DEF6: variants seen among roughly 807,000 people sequenced by gnomAD.
DEF6 encodes differentially expressed in FDCP 6 homolog.
A neutral mutation model predicts 80.5 loss-of-function variants in DEF6; 32 were observed. The ratio of observed to expected loss-of-function variants is 0.40; its 90% CI spans 0.30 to 0.53. The LOEUF is 0.53. Among genes scored for constraint, DEF6 ranks in the 20% least tolerant of loss-of-function variants. DEF6 has a pLI of 0.57. For missense variants in DEF6, 575 were observed against 818.7 expected (o/e 0.70, Z 3.63); for synonymous variants, 300 against 337.9 (o/e 0.89, Z 1.23).
chr6:35,310,191 TG>T (rs1791445155), intron 2 of DEF6, among the ~76,000 whole-genome samples: 1 of 152,178 alleles, frequency 6.6e-6, no homozygotes, highest in African/African-American at 2.4e-5. Context: ...AGCTTCCTGC[TG>T]GGTTTCTCCT....
intron 1 of DEF6, among the ~76,000 whole-genome samples, chr6:35,304,930 A>G (rs1407568562): frequency 2.0e-5 from 3 of 151,214 alleles, no homozygotes; most frequent in Non-Finnish European, 3.0e-5. Context: ...TAAAAAAAGA[A>G]AACACACAGA....
At chr6:35,300,348 C>T (rs1388471356) in intron 1 of DEF6, among the ~76,000 whole-genome samples, 2 of 152,094 alleles carry the variant, frequency 1.3e-5, no homozygotes, top group Admixed American at 1.3e-4. Context: ...CCATCCCTAG[C>T]GTTAGGGTCC....
Position 35,312,229 on chromosome 6 carries a change from T to C in DEF6, c.424-73T>C. 1.5e-6 allele frequency: 2 copies of C among 1,324,096 alleles called. No homozygotes were observed. The highest frequency in any genetic ancestry group is 2.1e-6 in the Non-Finnish European group (2 of 934,852). The allele number at this position is 1,324,096 out of a possible 1,614,324, so 82.0% of individuals were successfully genotyped here. On this transcript the variant is annotated intron_variant, in intron 3 of 10. Transcript: ENST00000316637. This position sits in a 1 kb window ranked among gnomAD's most constrained non-coding sequence, Gnocchi z 6.6. Reference sequence around the variant, plus strand: ...CTCTGCCCAGGCTCTGGGAGCCAGATAGAGCACTCCCTGGTGTTGGTGCTG... The same window carrying C: ...CTCTGCCCAGGCTCTGGGAGCCAGACAGAGCACTCCCTGGTGTTGGTGCTG...
At chr6:35,301,109 C>T (rs1791308227) in intron 1 of DEF6, among the ~76,000 whole-genome samples, 1 of 152,172 alleles carries the variant, frequency 6.6e-6, no homozygotes. Flanking sequence ...CAGGGCAGTC[C>T]TGGAGCCCAG....
At chr6:35,304,759 A>G (rs912782750) in intron 1 of DEF6, among the ~76,000 whole-genome samples, 98 of 152,260 alleles carry the variant, frequency 6.4e-4, no homozygotes, top group African/African-American at 2.3e-3. Flanking sequence ...GCTGCCCTCA[A>G]GGAATGTAGA....
intron 5 of DEF6, among the ~76,000 whole-genome samples, chr6:35,315,498 A>C (rs1791515006): frequency 6.6e-6 from 1 of 151,978 alleles, no homozygotes; most frequent in African/African-American, 2.4e-5. Flanking sequence ...TGCCTTTGCT[A>C]TTTTGACAGA....
Position 35,312,238 on chromosome 6 carries a change from C to T in DEF6, c.424-64C>T. On this transcript the variant is annotated intron_variant, in intron 3 of 10. Transcript: ENST00000316637. This position sits in a 1 kb window ranked among gnomAD's most constrained non-coding sequence, Gnocchi z 6.6. ...GGCTCTGGGAGCCAGATAGAGCACT[C>T]CCTGGTGTTGGTGCTGGCAACACCA... The T allele has an allele frequency of 2.1e-6, 3 of 1,412,992 alleles. No individual in the cohort carries two copies. The highest frequency in any genetic ancestry group is 3.0e-6 in the Non-Finnish European group (3 of 1,009,118). The allele number at this position is 1,412,992 out of a possible 1,614,324, so 87.5% of individuals were successfully genotyped here.
chr6:35,307,976 T>C lies in DEF6; in HGVS notation c.97-1694T>C, dbSNP rs1791413579. Among the ~76,000 whole-genome samples the C allele has an allele frequency of 3.9e-5, 6 of 152,244 alleles. No homozygotes were observed. The South Asian group carries it at 1.0e-3, about 26-fold the overall frequency. ...CAATATAGCATGTATTGATTGCACT[T>C]GATGTACAAAAGAGGACATAGATGC... On this transcript the variant is annotated intron_variant, in intron 1 of 10. Coordinates refer to ENST00000316637, the MANE Select transcript of DEF6 (RefSeq NM_022047.4).
At chr6:35,308,790 C>T (rs1159882973) in intron 1 of DEF6, among the ~76,000 whole-genome samples, 2 of 151,776 alleles carry the variant, frequency 1.3e-5, no homozygotes, top group African/African-American at 4.8e-5. Context: ...TAAACCACCT[C>T]CTACAGTGAC....
At chr6:35,307,309 G>A (rs1489629547) in intron 1 of DEF6, among the ~76,000 whole-genome samples, 2 of 152,256 alleles carry the variant, frequency 1.3e-5, no homozygotes, top group Non-Finnish European at 2.9e-5. Context: ...TGAGGCAGGA[G>A]AATCACGTGA....
chr6:35,319,453 A>T lies in DEF6; in HGVS notation c.1216-71A>T. ...CCCTAGGCAGCTTAGCAACATGCCC[A>T]CCCCCTCCTCCTCCGCCCCCACGTG... On this transcript the variant is annotated intron_variant, in intron 7 of 10. Coordinates refer to ENST00000316637, the MANE Select transcript of DEF6 (RefSeq NM_022047.4). This position sits in a 1 kb window ranked among gnomAD's most constrained non-coding sequence, Gnocchi z 4.5. 4.2e-6 allele frequency: 3 copies of T among 720,404 alleles called. No homozygotes were observed. The South Asian group carries it at 5.2e-5, about 13-fold the overall frequency. The allele number at this position is 720,404 out of a possible 1,614,324, so 44.6% of individuals were successfully genotyped here. A position where few individuals can be genotyped will look rare whatever the true frequency, so the allele number is the denominator to read the frequency against.
intron 1 of DEF6, among the ~76,000 whole-genome samples, chr6:35,301,062 A>G (rs1791307741): frequency 6.6e-6 from 1 of 152,150 alleles, no homozygotes; most frequent in Non-Finnish European, 1.5e-5. Context: ...GAGGGTAGAC[A>G]GGGGCCTTCC....
intron 3 of DEF6, among the ~76,000 whole-genome samples, chr6:35,311,815 C>T (rs1442997537): frequency 6.6e-6 from 1 of 152,204 alleles, no homozygotes; most frequent in African/African-American, 2.4e-5. Flanking sequence ...GAAAGATCCC[C>T]AGGGTTGGGG....
intron 1 of DEF6, among the ~76,000 whole-genome samples, chr6:35,301,723 G>A (rs1381002599): frequency 1.7e-5 from 1 of 60,380 alleles, no homozygotes; most frequent in Admixed American, 2.3e-4. Context: ...AAAAGGAGCT[G>A]TGTCTTTTTT....
chr6:35,312,175 G>GCCCCCTCAACGCTCTGT lies in DEF6; in HGVS notation c.424-122_424-106dup. ...TGGCTCCATAACATTCGGTCCTCTG[G>GCCCCCTCAACGCTCTGT]CCCCCTCAACGCTCTGTCCCCTGTT... On this transcript the variant is annotated intron_variant, in intron 3 of 10. Coordinates refer to ENST00000316637, the MANE Select transcript of DEF6 (RefSeq NM_022047.4). The surrounding 1 kb of genome is among the most constrained non-coding windows in gnomAD (Gnocchi z 6.6). The GCCCCCTCAACGCTCTGT allele has an allele frequency of 1.3e-6, 1 of 744,830 alleles. No homozygotes were observed. Among genetic ancestry groups the GCCCCCTCAACGCTCTGT allele is most frequent in the Non-Finnish European group, 2.2e-6 (1 of 459,384 alleles). 46.1% of individuals were successfully genotyped at this position (744,830 alleles called of 1,614,324 possible). A position where few individuals can be genotyped will look rare whatever the true frequency, so the allele number is the denominator to read the frequency against.
At chr6:35,316,956 T>G (rs1456413492) in intron 5 of DEF6, among the ~76,000 whole-genome samples, 1 of 152,246 alleles carries the variant, frequency 6.6e-6, no homozygotes, top group African/African-American at 2.4e-5. Context: ...CTTACATAAA[T>G]AGAATCATAA....
At chr6:35,301,025 G>T (rs565843206) in intron 1 of DEF6, among the ~76,000 whole-genome samples, 13 of 152,212 alleles carry the variant, frequency 8.5e-5, no homozygotes, top group Non-Finnish European at 1.3e-4. Flanking sequence ...CTTCCTCCTT[G>T]ACTGGCAGGA....
At chr6:35,317,740 T>G in intron 5 of DEF6, 151 bp from the exon 6 acceptor site, 2 of 561,518 alleles carry the variant, frequency 3.6e-6, no homozygotes, top group Non-Finnish European at 3.1e-6. Flanking sequence ...CCCCCATAAC[T>G]TATGATGCAA....
chr6:35,321,616 G>T lies in DEF6; in HGVS notation c.*206G>T. 2 of 478,458 alleles carry T rather than the reference G, an allele frequency of 4.2e-6. No individual in the cohort carries two copies. The highest frequency in any genetic ancestry group is 7.3e-6 in the Non-Finnish European group (2 of 272,514). 29.6% of individuals were successfully genotyped at this position (478,458 alleles called of 1,614,324 possible). ...GCCCCAGACCATGGGAGCTGTCTGG[G>T]ATGTTGATCCTTGAGAACTTGGCCC... On this transcript the variant is annotated 3_prime_UTR_variant, in exon 11 of 11. Coordinates refer to ENST00000316637, the MANE Select transcript of DEF6 (RefSeq NM_022047.4).
Sources: gnomAD v4.1 joint callset for allele counts (sites outside exome capture counted in the v4.1 genomes callset) on GRCh38, gnomAD v4.1.1 for gene constraint, Gnocchi (gnomAD v3.1) non-coding constraint, MANE v1.5 for transcripts, NCBI Gene and HGNC (gene_info 2026-07-23, HGNC 2026-07-21) for gene names.